The following HCN1 variants were observed in gnomAD, a reference collection of about 807,000 sequenced individuals.
HCN1 encodes the protein potassium/sodium hyperpolarization-activated cyclic nucleotide-gated channel 1.
A neutral mutation model predicts 78.9 loss-of-function variants in HCN1; 13 were observed. The ratio of observed to expected loss-of-function variants is 0.16; its 90% confidence interval spans 0.11 to 0.26. The LOEUF (loss-of-function observed/expected upper bound fraction) is 0.26, where lower values mean the gene tolerates loss of function less well. Ranked by LOEUF, HCN1 falls within the 10% of genes least tolerant of loss-of-function variation. The pLI is 1.00. For missense variants in HCN1, 810 were observed against 1,154.3 expected, an observed-to-expected ratio of 0.70 and a Z score of 4.32; for synonymous variants, 552 against 455.5, an observed-to-expected ratio of 1.21 and a Z score of -2.70.
intron 2 of HCN1, among the ~76,000 whole-genome samples, chr5:45,593,368 A>ACC (rs1464608318): frequency 1.3e-5 from 2 of 148,718 alleles, no homozygotes; most frequent in African/African-American, 5.1e-5. Flanking sequence ...ACACACACAC[A>ACC]CACCCCACAT....
At chr5:45,583,316 G>A (rs568542214) in intron 2 of HCN1, among the ~76,000 whole-genome samples, 2 of 152,262 alleles carry the variant, frequency 1.3e-5, no homozygotes, top group South Asian at 2.1e-4. Context: ...TTTGCATAGA[G>A]GTGTTTATAG....
chr5:45,661,469 G>A (rs1201687365), intron 1 of HCN1, among the ~76,000 whole-genome samples: 2 of 135,864 alleles, frequency 1.5e-5, no homozygotes, highest in Non-Finnish European at 3.1e-5. Context: ...CAGAACTGAA[G>A]GAAATAGAGA....
chr5:45,663,906 C>T (rs1260812313), intron 1 of HCN1, among the ~76,000 whole-genome samples: 13 of 143,208 alleles, frequency 9.1e-5, no homozygotes, highest in African/African-American at 3.4e-4. Context: ...GTGGCGATTC[C>T]TCAGGGATCT....
At chr5:45,689,402 A>G (rs776017091) in intron 1 of HCN1, among the ~76,000 whole-genome samples, 23 of 152,172 alleles carry the variant, frequency 1.5e-4, no homozygotes, top group Non-Finnish European at 3.2e-4. Context: ...TTCATAAGGT[A>G]GCATGGTTTA....
chr5:45,406,096 C>T (rs987861685), intron 3 of HCN1, among the ~76,000 whole-genome samples: 1 of 151,784 alleles, frequency 6.6e-6, no homozygotes, highest in African/African-American at 2.4e-5. Flanking sequence ...TTAAATTTGA[C>T]TTGTTCATTC....
At chr5:45,562,138 G>A (rs981476756) in intron 2 of HCN1, among the ~76,000 whole-genome samples, 12 of 152,164 alleles carry the variant, frequency 7.9e-5, no homozygotes, top group African/African-American at 2.6e-4. Flanking sequence ...CATTTGAAGT[G>A]ATAACAGTTT....
intron 5 of HCN1, among the ~76,000 whole-genome samples, chr5:45,315,662 A>G (rs1262940655): frequency 6.6e-6 from 1 of 152,140 alleles, no homozygotes; most frequent in Non-Finnish European, 1.5e-5. Flanking sequence ...TTGATAGAGC[A>G]CTAGCAAGAC....
At chr5:45,686,236 CTT>C (rs879793814) in intron 1 of HCN1, among the ~76,000 whole-genome samples, 4 of 143,120 alleles carry the variant, frequency 2.8e-5, no homozygotes, top group Non-Finnish European at 3.1e-5. Context: ...TATGCCCAGT[CTT>C]TTTTTTTTTT....
chr5:45,401,355 C>G (rs56350918), intron 3 of HCN1, among the ~76,000 whole-genome samples: 119 of 151,686 alleles, frequency 7.8e-4, no homozygotes, highest in African/African-American at 2.8e-3. Context: ...TTTTTTTTTC[C>G]TTATTAATTT....
In HCN1 at chr5:45,301,257, AAG is replaced by A. The variant is rs555350505; in HGVS notation, c.1618+2340_1618+2341del. ...GAAAAATTGTCTCTTTGGGGTAAAAAAGGGGGATAATATAGAATATTTCATAT... is the reference window on the plus strand; with the variant it reads ...GAAAAATTGTCTCTTTGGGGTAAAAAGGGGATAATATAGAATATTTCATAT... On this transcript the variant is annotated intron_variant, in intron 6 of 7. Coordinates refer to ENST00000303230, the MANE Select transcript of HCN1 (RefSeq NM_021072.4). 1.4e-3 allele frequency among the ~76,000 whole-genome samples: 211 copies of A among 151,660 alleles called. 1 individual carries two copies. Among genetic ancestry groups the A allele is most frequent in the Admixed American group, 3.2e-3 (48 of 15,170 alleles).
At chr5:45,615,200 T>C (rs553211730) in intron 2 of HCN1, among the ~76,000 whole-genome samples, 1 of 152,062 alleles carries the variant, frequency 6.6e-6, no homozygotes, top group African/African-American at 2.4e-5. Flanking sequence ...TTTACATTAA[T>C]TGTTTAACAG....
In HCN1 at chr5:45,353,202, A is replaced by T. The variant is rs757703820; in HGVS notation, c.1275T>A (p.Ala425=). The change falls in exon 5 of 8, where the codon GCT becomes GCA. Residue 425 remains alanine (A), a synonymous_variant. Coordinates refer to ENST00000303230, the MANE Select transcript of HCN1 (RefSeq NM_021072.4). ...AATCATGTATCTTCTGACGCATATC[A>T]GCTGGTAACTTATGGAATGACATGT... ...EQYMSFHKLP[A]DMRQKIHDYY... is the part of the protein sequence containing the mutation. 6.2e-7 allele frequency: 1 copy of T among 1,609,442 alleles called. No homozygotes were observed. Among genetic ancestry groups the T allele is most frequent in the African/African-American group, 1.3e-5 (1 of 74,782 alleles).
In HCN1 at chr5:45,262,033, C is replaced by G. The variant is rs1060500094; in HGVS notation, c.2561G>C (p.Arg854Pro). Residue 854 changes from arginine to proline, a missense_variant, in exon 8 of 8, where the codon CGA (arginine) becomes CCA (proline). Around this residue, in one of 6 missense-constraint regions of HCN1, gnomAD observed 398 missense variants for 381.3 expected, o/e 1.04. Transcript: ENST00000303230. ...TGGAGGGGGTGCTGGAGGGACTCCT[C>G]GGTTCGGGGGGATGGCTCCCGACGA... Reference protein sequence around the residue: ...QMSSGAIPPNRGVPPAPPPPA... With the variant: ...QMSSGAIPPNPGVPPAPPPPA... The G allele has an allele frequency of 6.2e-7, 1 of 1,613,760 alleles. No homozygotes were observed. Among genetic ancestry groups the G allele is most frequent in the Admixed American group, 1.7e-5 (1 of 59,994 alleles).
intron 6 of HCN1, among the ~76,000 whole-genome samples, chr5:45,284,976 C>T (rs1427429211): frequency 6.6e-6 from 1 of 152,010 alleles, no homozygotes; most frequent in Non-Finnish European, 1.5e-5. Context: ...CCACAAGTTT[C>T]TATTTCATAA....
intron 4 of HCN1, among the ~76,000 whole-genome samples, chr5:45,363,149 T>TATATATATATATAC: frequency 1.1e-5 from 1 of 92,276 alleles, no homozygotes; most frequent in East Asian, 4.3e-4. Context: ...TATATACATA[T>TATATATATATATAC]ATATATATAT....
intron 2 of HCN1, among the ~76,000 whole-genome samples, chr5:45,592,070 G>T (rs1157601303): frequency 2.0e-5 from 3 of 151,536 alleles, no homozygotes; most frequent in Non-Finnish European, 4.4e-5. Context: ...TCTCCATTGT[G>T]TTACCTATAC....
intron 2 of HCN1, among the ~76,000 whole-genome samples, chr5:45,484,331 G>C (rs998709596): frequency 6.6e-6 from 1 of 152,130 alleles, no homozygotes; most frequent in African/African-American, 2.4e-5. Context: ...GCTACTTGGA[G>C]GCTGGGGCAG....
chr5:45,323,477 G>A (rs1265297777), intron 5 of HCN1, among the ~76,000 whole-genome samples: 2 of 151,828 alleles, frequency 1.3e-5, no homozygotes, highest in African/African-American at 4.8e-5. Context: ...TAAAATGGTA[G>A]AATGCCTTTC....
At chr5:45,609,190 A>G (rs985348051) in intron 2 of HCN1, among the ~76,000 whole-genome samples, 2 of 152,110 alleles carry the variant, frequency 1.3e-5, no homozygotes, top group African/African-American at 4.8e-5. Flanking sequence ...GAAACTGCCC[A>G]TATCTTGTAA....
Sources: gnomAD v4.1 joint callset for allele counts (sites outside exome capture counted in the v4.1 genomes callset) on GRCh38, gnomAD v4.1.1 for gene constraint, gnomAD v4.1.1 regional missense constraint, MANE v1.5 for transcripts, NCBI Gene and HGNC (gene_info 2026-07-23, HGNC 2026-07-21) for gene names.